The following CDH13 variants were observed in gnomAD, a reference collection of about 807,000 sequenced individuals.
CDH13 encodes the protein cadherin 13.
In CDH13, 24 loss-of-function variants were observed where a neutral mutation model predicts 63.8. The ratio of observed to expected loss-of-function variants is 0.38; its 90% CI spans 0.27 to 0.53. The LOEUF (loss-of-function observed/expected upper bound fraction) is 0.53. Ranked by LOEUF, CDH13 falls within the 20% of genes least tolerant of loss-of-function variation. The pLI is 0.85. For synonymous variants in CDH13, 503 were observed against 355.3 expected (o/e 1.42, Z -4.67); for missense variants, 1,049 against 903.1 (o/e 1.16, Z -2.07).
chr16:83,268,937 G>C (rs935967513), intron 5 of CDH13, among the ~76,000 whole-genome samples: 1 of 60,806 alleles, frequency 1.6e-5, no homozygotes, highest in African/African-American at 5.5e-5. Flanking sequence ...CCAAAGACCA[G>C]AGCAGAGAGA....
intron 4 of CDH13, among the ~76,000 whole-genome samples, chr16:83,177,546 A>G (rs111802228): frequency 4.3e-4 from 65 of 152,254 alleles, no homozygotes; most frequent in African/African-American, 1.5e-3. Flanking sequence ...GTCCCTTAGT[A>G]TTGTTGTGAG....
At chr16:83,459,304 G>C (rs1223182875) in intron 6 of CDH13, among the ~76,000 whole-genome samples, 1 of 152,164 alleles carries the variant, frequency 6.6e-6, no homozygotes, top group African/African-American at 2.4e-5. Flanking sequence ...TTTCTTCCTA[G>C]CATGCATTCC....
intron 3 of CDH13, among the ~76,000 whole-genome samples, chr16:83,123,954 T>C (rs984446909): frequency 6.6e-6 from 1 of 152,218 alleles, no homozygotes; most frequent in Non-Finnish European, 1.5e-5. Flanking sequence ...CTCTGATGAT[T>C]AGTGATATTG....
chr16:83,094,368 A>C (rs2034086162), intron 3 of CDH13, among the ~76,000 whole-genome samples: 1 of 152,208 alleles, frequency 6.6e-6, no homozygotes, highest in South Asian at 2.1e-4. Flanking sequence ...TCACGCCTGA[A>C]AGATGCAAGG....
intron 5 of CDH13, among the ~76,000 whole-genome samples, chr16:83,339,049 C>T (rs1410057828): frequency 1.3e-5 from 2 of 152,150 alleles, no homozygotes; most frequent in African/African-American, 4.8e-5. Flanking sequence ...GGAAGACCCA[C>T]AGGGCGCCTT....
intron 3 of CDH13, among the ~76,000 whole-genome samples, chr16:83,113,580 A>C (rs907094438): frequency 6.6e-6 from 1 of 152,230 alleles, no homozygotes; most frequent in Non-Finnish European, 1.5e-5. Flanking sequence ...CTGACGACAC[A>C]GTGGCACTGA....
intron 6 of CDH13, among the ~76,000 whole-genome samples, chr16:83,477,176 G>A (rs1381039691): frequency 6.6e-6 from 1 of 152,170 alleles, no homozygotes; most frequent in Non-Finnish European, 1.5e-5. Context: ...ATCACAAGGT[G>A]GTCCTGTTGC....
chr16:83,040,430 C>T (rs2151487068), intron 3 of CDH13, among the ~76,000 whole-genome samples: 1 of 152,294 alleles, frequency 6.6e-6, no homozygotes, highest in South Asian at 2.1e-4. Flanking sequence ...ATGGTGCAGC[C>T]TTCAGTCTGT....
At chr16:83,471,690 T>C (rs12716739) in intron 6 of CDH13, among the ~76,000 whole-genome samples, 152,218 of 152,334 alleles carry the variant, frequency 1, 76,051 homozygotes, top group Non-Finnish European at 1. Flanking sequence ...GGGTTTGAAG[T>C]AGGCAGGATT....
At chr16:83,089,789 G>A (rs1597314971) in intron 3 of CDH13, among the ~76,000 whole-genome samples, 1 of 152,176 alleles carries the variant, frequency 6.6e-6, no homozygotes, top group Non-Finnish European at 1.5e-5. Flanking sequence ...CAAGTTTCAG[G>A]ACTTATATAG....
chr16:83,240,188 G>T (rs746368255), intron 5 of CDH13, among the ~76,000 whole-genome samples: 1 of 152,160 alleles, frequency 6.6e-6, no homozygotes, highest in South Asian at 2.1e-4. Flanking sequence ...TTTTCAGCAG[G>T]CCGTGACCCC....
At chr16:83,743,908 A>G (rs1912317066) in intron 10 of CDH13, among the ~76,000 whole-genome samples, 2 of 151,132 alleles carry the variant, frequency 1.3e-5, no homozygotes, top group Admixed American at 1.3e-4. Context: ...GGCATGAAAA[A>G]CACTGTGTAC....
chr16:82,694,557 C>T (rs959120931), intron 1 of CDH13, among the ~76,000 whole-genome samples: 21 of 152,200 alleles, frequency 1.4e-4, no homozygotes, highest in Non-Finnish European at 5.9e-5. Flanking sequence ...TCCCCTCCTT[C>T]CCTTCCTCCC....
intron 4 of CDH13, among the ~76,000 whole-genome samples, chr16:83,140,071 C>A (rs533113108): frequency 1.3e-5 from 2 of 152,316 alleles, no homozygotes; most frequent in Admixed American, 1.3e-4. Flanking sequence ...GGTTTTACCT[C>A]TCTATTTTTA....
chr16:82,910,917 C>T (rs940290835), intron 2 of CDH13, among the ~76,000 whole-genome samples: 19 of 152,114 alleles, frequency 1.2e-4, no homozygotes, highest in Admixed American at 9.8e-4. Flanking sequence ...GACTGTGTGG[C>T]CAGTGAGCAA....
intron 7 of CDH13, among the ~76,000 whole-genome samples, chr16:83,497,801 G>A (rs1338608874): frequency 6.6e-6 from 1 of 152,188 alleles, no homozygotes. Context: ...GCTCAGATAG[G>A]AGCAGTTTTA....
chr16:82,889,520 C>G (rs2041006807), intron 2 of CDH13, among the ~76,000 whole-genome samples: 1 of 152,202 alleles, frequency 6.6e-6, no homozygotes, highest in African/African-American at 2.4e-5. Context: ...GAGTGATGGT[C>G]TATAAATTTA....
intron 4 of CDH13, among the ~76,000 whole-genome samples, chr16:83,181,364 T>G (rs1283685203): frequency 6.6e-6 from 1 of 152,204 alleles, no homozygotes; most frequent in African/African-American, 2.4e-5. Context: ...CCACTGGACC[T>G]CCTTGCTAAC....
At chr16:82,994,247 C>T (rs1911962675) in intron 2 of CDH13, among the ~76,000 whole-genome samples, 2 of 152,214 alleles carry the variant, frequency 1.3e-5, no homozygotes, top group Middle Eastern at 3.2e-3. Flanking sequence ...CTGTTCAGTT[C>T]TTGGATGGGC....
Sources: gnomAD v4.1 joint callset for allele counts (sites outside exome capture counted in the v4.1 genomes callset) on GRCh38, gnomAD v4.1.1 for gene constraint, MANE v1.5 for transcripts, NCBI Gene and HGNC (gene_info 2026-07-23, HGNC 2026-07-21) for gene names.